Variants in STXBP5 observed in about 807,000 individuals in gnomAD.
The protein encoded by STXBP5 is syntaxin-binding protein 5.
Under a neutral mutation model 152.4 loss-of-function variants are expected in STXBP5, and 50 were observed. That is an observed-to-expected ratio of 0.33 (90% confidence interval 0.26 to 0.42). The LOEUF (loss-of-function observed/expected upper bound fraction) is 0.42. STXBP5 is among the 10% of genes least tolerant of loss of function. STXBP5 has a pLI of 1.00. For synonymous variants in STXBP5, 492 were observed against 494.7 expected (o/e 0.99, Z 0.07); for missense variants, 1,167 against 1,388.6 (o/e 0.84, Z 2.54).
chr6:147,322,498 C>T (rs1446990915), intron 16 of STXBP5, among the ~76,000 whole-genome samples: 1 of 152,138 alleles, frequency 6.6e-6, no homozygotes, highest in Non-Finnish European at 1.5e-5. Context: ...CATCAAAACA[C>T]GAGGTGCCAT....
chr6:147,327,093 T>G (rs373258404), intron 17 of STXBP5, 32 bp from the exon 18 acceptor site: 24 of 1,598,808 alleles, frequency 1.5e-5, no homozygotes, highest in South Asian at 7.9e-5. Flanking sequence ...TATTTGTTTG[T>G]GCTAAAATGT....
intron 2 of STXBP5, among the ~76,000 whole-genome samples, chr6:147,209,381 T>C (rs1776734925): frequency 6.6e-6 from 1 of 152,164 alleles, no homozygotes; most frequent in South Asian, 2.1e-4. Context: ...TACAAAGTGA[T>C]TTTTTTACCT....
At chr6:147,221,236 T>C (rs888660398) in intron 2 of STXBP5, among the ~76,000 whole-genome samples, 1 of 152,092 alleles carries the variant, frequency 6.6e-6, no homozygotes, top group African/African-American at 2.4e-5. Flanking sequence ...ATTTCACCTA[T>C]ATATAAGCAT....
In STXBP5 at chr6:147,313,866, CT is replaced by C; in HGVS notation, c.1146-13del. On this transcript the variant is annotated splice_polypyrimidine_tract_variant and intron_variant, in intron 11 of 27. Coordinates refer to ENST00000321680, the MANE Select transcript of STXBP5 (RefSeq NM_001127715.4). Reference sequence around the variant, plus strand: ...ATTCATTAAATTAATAAATACTTTTCTTTTTCTGTTGTTAAAGATATCCTAT... The same window carrying C: ...ATTCATTAAATTAATAAATACTTTTCTTTTCTGTTGTTAAAGATATCCTAT... The C allele has an allele frequency of 6.9e-7, 1 of 1,456,464 alleles. No homozygotes were observed. The highest frequency in any genetic ancestry group is 1.4e-5 in the African/African-American group (1 of 71,588). 90.2% of individuals were successfully genotyped at this position (1,456,464 alleles called of 1,614,324 possible).
At chr6:147,263,895 A>G (rs1779761381) in intron 6 of STXBP5, among the ~76,000 whole-genome samples, 2 of 152,028 alleles carry the variant, frequency 1.3e-5, no homozygotes, top group Admixed American at 6.6e-5. Flanking sequence ...TTTGTATTAG[A>G]AATGTGTGCA....
chr6:147,283,141 A>G (rs943430630), intron 8 of STXBP5, among the ~76,000 whole-genome samples: 1 of 152,204 alleles, frequency 6.6e-6, no homozygotes, highest in Non-Finnish European at 1.5e-5. Flanking sequence ...GATATTTTAA[A>G]TTTAGTTTCT....
In STXBP5 at chr6:147,363,714, A is replaced by T; in HGVS notation, c.2915+10A>T. On this transcript the variant is annotated intron_variant, in intron 24 of 27. Coordinates refer to ENST00000321680, the MANE Select transcript of STXBP5 (RefSeq NM_001127715.4). ...ATATAATGACTTTTAGGTAAGAGTT[A>T]GATATGTTTTAAAACACAGATATAG... 1 of 1,593,018 alleles carries T rather than the reference A, an allele frequency of 6.3e-7. No homozygotes were observed. Among genetic ancestry groups the T allele is most frequent in the Non-Finnish European group, 8.5e-7 (1 of 1,172,118 alleles).
chr6:147,323,321 T>C (rs187164521), intron 16 of STXBP5, among the ~76,000 whole-genome samples: 16 of 152,316 alleles, frequency 1.1e-4, no homozygotes, highest in African/African-American at 3.8e-4. Context: ...CCTGTTCTAC[T>C]TCGTCTTACC....
intron 2 of STXBP5, among the ~76,000 whole-genome samples, chr6:147,221,329 T>A (rs910454143): frequency 3.9e-5 from 6 of 152,072 alleles, no homozygotes; most frequent in Non-Finnish European, 8.8e-5. Flanking sequence ...ACTAGATCAG[T>A]TAAGAAACAG....
chr6:147,286,161 TTC>T (rs1780950986), intron 8 of STXBP5, among the ~76,000 whole-genome samples: 1 of 152,188 alleles, frequency 6.6e-6, no homozygotes, highest in Non-Finnish European at 1.5e-5. Context: ...TTCCTTGCAA[TTC>T]TCTCTCCCAC....
intron 8 of STXBP5, among the ~76,000 whole-genome samples, chr6:147,287,174 C>G: frequency 7.3e-6 from 1 of 137,276 alleles, no homozygotes; most frequent in East Asian, 2.3e-4. Context: ...GACTATAGTT[C>G]AATAATAACT....
chr6:147,355,467 A>G (rs1483961937), intron 22 of STXBP5, among the ~76,000 whole-genome samples: 3 of 152,162 alleles, frequency 2.0e-5, no homozygotes, highest in African/African-American at 4.8e-5. Flanking sequence ...AGTTTAGATC[A>G]GCTAAAAAGA....
At chr6:147,278,518 A>C (rs1325490548) in intron 8 of STXBP5, among the ~76,000 whole-genome samples, 1 of 152,182 alleles carries the variant, frequency 6.6e-6, no homozygotes, top group Non-Finnish European at 1.5e-5. Context: ...CAGGATTTAC[A>C]TTAAGCTTTT....
intron 2 of STXBP5, among the ~76,000 whole-genome samples, chr6:147,226,177 C>T (rs1303374334): frequency 6.6e-6 from 1 of 152,004 alleles, no homozygotes; most frequent in Non-Finnish European, 1.5e-5. Flanking sequence ...GTGGCAAGTG[C>T]CTGTAGTCCC....
At chr6:147,284,615 G>C (rs1482215914) in intron 8 of STXBP5, among the ~76,000 whole-genome samples, 1 of 152,172 alleles carries the variant, frequency 6.6e-6, no homozygotes, top group African/African-American at 2.4e-5. Flanking sequence ...TATGAACTTG[G>C]TCTTAAAGGA....
chr6:147,204,749 C>A lies in STXBP5; in HGVS notation c.150+67C>A. 1 of 1,457,060 alleles carries A rather than the reference C, an allele frequency of 6.9e-7. No homozygotes were observed. The highest frequency in any genetic ancestry group is 1.4e-5 in the South Asian group (1 of 71,832). 90.3% of individuals were successfully genotyped at this position (1,457,060 alleles called of 1,614,324 possible). Reference sequence around the variant, plus strand: ...TTGGGGTTGTTTTAAGGGGGCTACTCGGGCTTTACATGGGAATGCAAGGGA... The same window carrying A: ...TTGGGGTTGTTTTAAGGGGGCTACTAGGGCTTTACATGGGAATGCAAGGGA... On this transcript the variant is annotated intron_variant, in intron 1 of 27. Transcript: ENST00000321680. This position sits in a 1 kb window ranked among gnomAD's most constrained non-coding sequence, Gnocchi z 4.3.
intron 2 of STXBP5, among the ~76,000 whole-genome samples, chr6:147,230,465 C>CT (rs1777942534): frequency 4.0e-5 from 6 of 151,804 alleles, no homozygotes; most frequent in Admixed American, 3.9e-4. Flanking sequence ...TGTTTACTAT[C>CT]TAATTGGTGT....
At chr6:147,344,738 A>G (rs563269707) in intron 21 of STXBP5, among the ~76,000 whole-genome samples, 10 of 152,332 alleles carry the variant, frequency 6.6e-5, no homozygotes, top group African/African-American at 2.2e-4. Context: ...CTAGTATAGT[A>G]GAGGAACTGG....
intron 25 of STXBP5, among the ~76,000 whole-genome samples, chr6:147,368,550 T>C (rs1365734422): frequency 1.3e-5 from 2 of 152,172 alleles, no homozygotes; most frequent in Admixed American, 1.3e-4. Context: ...TCTTTCTCCC[T>C]GAAATCAGCA....
Sources: allele counts gnomAD v4.1 joint callset (sites outside exome capture counted in the v4.1 genomes callset), GRCh38; gene constraint gnomAD v4.1.1; non-coding constraint Gnocchi (gnomAD v3.1); transcripts MANE v1.5; gene names NCBI Gene and HGNC (gene_info 2026-07-23, HGNC 2026-07-21).